The following MICU2 variants were observed in gnomAD, a reference collection of about 807,000 sequenced individuals.
MICU2 encodes calcium uptake protein 2, mitochondrial.
MICU2 carries 64 observed loss-of-function variants against 60.4 expected under a neutral mutation model. The observed-to-expected ratio is 1.06, with a 90% CI of 0.87 to 1.31. The LOEUF is 1.31. MICU2 is among the 50% of genes most tolerant of loss of function. The pLI is 0.00. For synonymous variants in MICU2, 201 were observed against 175.0 expected, an observed-to-expected ratio of 1.15 and a Z score of -1.17; for missense variants, 569 against 531.0, an observed-to-expected ratio of 1.07 and a Z score of -0.70.
rs749072970 is a variant in MICU2 at position 21,522,667 on chromosome 13, C to T, written c.467-17G>A. On this transcript the variant is annotated splice_polypyrimidine_tract_variant and intron_variant, in intron 4 of 11. Transcript: ENST00000382374. ...AAATTAGCCCTGAAAGAGATAAAAA[C>T]ATACCAGAAAATAAGCTTTAGATGG... The T allele has an allele frequency of 4.4e-6, 7 of 1,577,712 alleles. No homozygotes were observed. The East Asian group carries it at 6.8e-5, about 15-fold the overall frequency.
At chr13:21,536,395 C>T (rs1887132100) in intron 4 of MICU2, among the ~76,000 whole-genome samples, 2 of 151,738 alleles carry the variant, frequency 1.3e-5, no homozygotes. Flanking sequence ...ACACACAGCT[C>T]ACTGCAATTG....
At chr13:21,516,163 A>G (rs1886564012) in intron 6 of MICU2, among the ~76,000 whole-genome samples, 1 of 152,192 alleles carries the variant, frequency 6.6e-6, no homozygotes, top group East Asian at 1.9e-4. Context: ...ATTAAAATGT[A>G]CAAATATCAG....
intron 1 of MICU2, chr13:21,603,542 C>A: frequency 8.4e-6 from 2 of 237,530 alleles, no homozygotes; most frequent in Non-Finnish European, 1.6e-5. Flanking sequence ...TGGACGCAAA[C>A]CACCTGCGGA....
At chr13:21,602,339 G>A (rs1280614384) in intron 1 of MICU2, among the ~76,000 whole-genome samples, 6 of 151,980 alleles carry the variant, frequency 3.9e-5, no homozygotes, top group East Asian at 3.9e-4. Context: ...TGGCTAATAC[G>A]GTGAAACCCC....
intron 1 of MICU2, among the ~76,000 whole-genome samples, chr13:21,593,174 A>T (rs1460790258): frequency 1.3e-5 from 2 of 152,156 alleles, no homozygotes; most frequent in Non-Finnish European, 2.9e-5. Context: ...CAGTCTCAGG[A>T]TCCAAAATCA....
intron 4 of MICU2, among the ~76,000 whole-genome samples, chr13:21,526,522 C>T (rs1886861069): frequency 6.6e-6 from 1 of 151,828 alleles, no homozygotes; most frequent in African/African-American, 2.4e-5. Flanking sequence ...TTGTATACTT[C>T]CATTAGGAGG....
At chr13:21,545,260 T>C (rs1024158925) in intron 2 of MICU2, among the ~76,000 whole-genome samples, 1 of 152,078 alleles carries the variant, frequency 6.6e-6, no homozygotes, top group African/African-American at 2.4e-5. Flanking sequence ...TATTCAGCCA[T>C]TAAAAAAATG....
At chr13:21,507,961 C>A (rs969084135) in intron 8 of MICU2, among the ~76,000 whole-genome samples, 1 of 151,912 alleles carries the variant, frequency 6.6e-6, no homozygotes, top group African/African-American at 2.4e-5. Flanking sequence ...CAGAGTCTCA[C>A]TCTGTCACCC....
At position 21,493,275 on chromosome 13, in the gene MICU2, T is replaced by A; in HGVS notation, c.1279A>T (p.Lys427Ter). 6.2e-7 allele frequency: 1 copy of A among 1,609,794 alleles called. No individual in the cohort carries two copies. The highest frequency in any genetic ancestry group is 8.5e-7 in the Non-Finnish European group (1 of 1,178,434). The part of the protein sequence containing the change: ...ESIKGVKEVW[K>*]QAGKGLF ...TAAAAAAGACCTTTTCCAGCTTGTT[T>A]CCAGACTTCTTTTACTCCTTTAATG... The change falls in exon 12 of 12, where the codon AAA becomes TAA. Residue 427 changes from lysine (K) to a stop codon, truncating the protein, a stop_gained. Transcript: ENST00000382374. LOFTEE classifies it high-confidence loss of function.
At chr13:21,496,293 G>C (rs371120018) in intron 9 of MICU2, 133 bp from the exon 10 acceptor site, 2 of 667,890 alleles carry the variant, frequency 3.0e-6, no homozygotes, top group Non-Finnish European at 2.5e-6. Flanking sequence ...AGCTTTCTCT[G>C]TCCCTTTCTC....
At chr13:21,564,664 G>A (rs1887932724) in intron 2 of MICU2, among the ~76,000 whole-genome samples, 1 of 152,122 alleles carries the variant, frequency 6.6e-6, no homozygotes, top group Admixed American at 6.5e-5. Context: ...ATCCCCCTAG[G>A]GTGGCTGGGC....
intron 4 of MICU2, among the ~76,000 whole-genome samples, chr13:21,525,768 T>C (rs1165386521): frequency 1.3e-5 from 2 of 152,028 alleles, no homozygotes; most frequent in Non-Finnish European, 2.9e-5. Flanking sequence ...AAGTTTTGTA[T>C]AGTTCTTTAC....
chr13:21,586,465 C>T (rs1200030), intron 1 of MICU2, among the ~76,000 whole-genome samples: 82,393 of 151,968 alleles, frequency 0.54, 24,106 homozygotes, highest in East Asian at 1. Context: ...TAGAATGTAA[C>T]GGTGTGATCA....
At chr13:21,581,614 GTAAAA>G (rs1472150881) in intron 1 of MICU2, among the ~76,000 whole-genome samples, 1 of 152,084 alleles carries the variant, frequency 6.6e-6, no homozygotes, top group East Asian at 1.9e-4. Flanking sequence ...ACAATAATTA[GTAAAA>G]TAAAATGTCT....
intron 2 of MICU2, among the ~76,000 whole-genome samples, chr13:21,544,883 C>G (rs780021168): frequency 6.6e-6 from 1 of 152,136 alleles, no homozygotes; most frequent in Non-Finnish European, 1.5e-5. Context: ...AATTCCTGAA[C>G]TCAAGCAATC....
chr13:21,548,165 A>G (rs1276809368), intron 2 of MICU2, among the ~76,000 whole-genome samples: 2 of 152,236 alleles, frequency 1.3e-5, no homozygotes, highest in Non-Finnish European at 2.9e-5. Flanking sequence ...GACAAGGAAA[A>G]TAACTCATGA....
chr13:21,539,293 C>T lies in MICU2; in HGVS notation c.466+9G>A. On this transcript the variant is annotated intron_variant, in intron 4 of 11. Transcript: ENST00000382374. The stretch of plus-strand genomic sequence containing the variant: ...CATAACTAGAAATTTAACAACAAAC[C>T]AAAATTACCTTTATCGCCAAGGTCT... 13 of 1,611,846 alleles carry T rather than the reference C, an allele frequency of 8.1e-6. No homozygotes were observed. Among genetic ancestry groups the T allele is most frequent in the Non-Finnish European group, 1.1e-5 (13 of 1,179,076 alleles).
intron 1 of MICU2, among the ~76,000 whole-genome samples, chr13:21,598,640 C>T (rs1425617543): frequency 5.3e-5 from 8 of 151,962 alleles, no homozygotes; most frequent in Admixed American, 2.0e-4. Flanking sequence ...TGCTTGAACC[C>T]GGGAGGCGGA....
Position 21,502,912 on chromosome 13 carries a change from AAGGGTATACC to A in MICU2, c.933+4_933+13del, listed in dbSNP as rs1286909758. ...TTCATCTTTATCACATGCATAATAA[AAGGGTATACC>A]AACCTCTCCTGCTGACAACTTCTCT... On this transcript the variant is annotated splice_donor_5th_base_variant and intron_variant, in intron 9 of 11. Coordinates refer to ENST00000382374, the MANE Select transcript of MICU2 (RefSeq NM_152726.3). The A allele has an allele frequency of 1.3e-6, 2 of 1,594,680 alleles. No homozygotes were observed. The highest frequency in any genetic ancestry group is 4.5e-5 in the East Asian group (2 of 44,726).
Sources: allele counts gnomAD v4.1 joint callset (sites outside exome capture counted in the v4.1 genomes callset), GRCh38; gene constraint gnomAD v4.1.1; transcripts MANE v1.5; gene names NCBI Gene and HGNC (gene_info 2026-07-23, HGNC 2026-07-21).